Variants in OR3A2 observed in about 807,000 individuals in gnomAD.
OR3A2 encodes olfactory receptor family 3 subfamily A member 2.
For synonymous variants in OR3A2, 126 were observed against 159.3 expected, an observed-to-expected ratio of 0.79 and a Z score of 1.57; for missense variants, 318 against 392.8, an observed-to-expected ratio of 0.81 and a Z score of 1.61.
chr17:3,356,760 T>C (rs532017347), intron 2 of OR3A2, among the ~76,000 whole-genome samples: 17 of 151,746 alleles, frequency 1.1e-4, no homozygotes, highest in Admixed American at 8.5e-4. Context: ...GACTCTATGA[T>C]GACAAGATGC....
intron 2 of OR3A2, among the ~76,000 whole-genome samples, chr17:3,352,014 C>A (rs1039135223): frequency 9.9e-5 from 15 of 152,134 alleles, no homozygotes; most frequent in African/African-American, 3.4e-4. Flanking sequence ...CTTCCTTACA[C>A]CTTATACAAA....
intron 3 of OR3A2, among the ~76,000 whole-genome samples, chr17:3,328,621 T>A (rs1430882556): frequency 2.7e-5 from 4 of 148,566 alleles, no homozygotes; most frequent in African/African-American, 1.0e-4. Flanking sequence ...AGAGAGGGCA[T>A]CCCTGCCTTG....
At position 3,304,373 on chromosome 17, in the gene OR3A2, G is replaced by C. The variant is rs186534902; in HGVS notation, c.-84-25220C>G. 1.7e-3 allele frequency among the ~76,000 whole-genome samples: 262 copies of C among 152,286 alleles called. 1 individual carries two copies. Among genetic ancestry groups the C allele is most frequent in the African/African-American group, 5.7e-3 (238 of 41,544 alleles). ...TCACCAATTCGTGCTGCCACAGCCAGCCTGAACTCTGTCTCCTCAATTCAG... is the reference window on the plus strand; with the variant it reads ...TCACCAATTCGTGCTGCCACAGCCACCCTGAACTCTGTCTCCTCAATTCAG... On this transcript the variant is annotated intron_variant, in intron 3 of 4. Coordinates refer to the OR3A2 transcript ENST00000573491.
intron 2 of OR3A2, among the ~76,000 whole-genome samples, chr17:3,350,215 A>C (rs545612558): frequency 6.6e-6 from 1 of 152,200 alleles, no homozygotes; most frequent in African/African-American, 2.4e-5. Context: ...AGACACAAAA[A>C]ACCCTTCAAA....
intron 2 of OR3A2, among the ~76,000 whole-genome samples, chr17:3,346,615 C>A (rs2049365540): frequency 6.6e-6 from 1 of 151,968 alleles, no homozygotes; most frequent in Non-Finnish European, 1.5e-5. Context: ...GCTGTGCTAT[C>A]AAATACTAGT....
chr17:3,367,601 G>GTGTGTATATATA (rs1555530074), intron 2 of OR3A2, among the ~76,000 whole-genome samples: 3 of 122,522 alleles, frequency 2.4e-5, no homozygotes, highest in African/African-American at 7.1e-5. Flanking sequence ...GTGTGTGTGT[G>GTGTGTATATATA]TATATATATA....
At chr17:3,343,003 C>A (rs1017730234) in intron 2 of OR3A2, among the ~76,000 whole-genome samples, 2 of 152,180 alleles carry the variant, frequency 1.3e-5, no homozygotes, top group Non-Finnish European at 2.9e-5. Context: ...CCTTGCAGTT[C>A]GATCTTGGAC....
chr17:3,308,235 G>A (rs1160608933), intron 3 of OR3A2, among the ~76,000 whole-genome samples: 3 of 152,138 alleles, frequency 2.0e-5, no homozygotes, highest in African/African-American at 7.2e-5. Flanking sequence ...GGCCTCCAGG[G>A]GAACAATGAG....
chr17:3,362,463 T>G (rs1467792892), intron 2 of OR3A2, among the ~76,000 whole-genome samples: 1 of 151,770 alleles, frequency 6.6e-6, no homozygotes, highest in Non-Finnish European at 1.5e-5. Context: ...CTGCTAGCTT[T>G]TGAATGTGTT....
At chr17:3,364,737 C>A (rs2049548614) in intron 2 of OR3A2, among the ~76,000 whole-genome samples, 2 of 152,154 alleles carry the variant, frequency 1.3e-5, no homozygotes, top group Non-Finnish European at 2.9e-5. Context: ...AATCTCACTC[C>A]TGGGTATATA....
intron 3 of OR3A2, chr17:3,291,845 G>A: frequency 6.2e-7 from 1 of 1,614,060 alleles, no homozygotes; most frequent in Non-Finnish European, 8.5e-7. Context: ...CAGTGAGGTG[G>A]GAGCCACATG....
At chr17:3,303,385 C>T (rs1450571630) in intron 3 of OR3A2, among the ~76,000 whole-genome samples, 1 of 152,034 alleles carries the variant, frequency 6.6e-6, no homozygotes, top group African/African-American at 2.4e-5. Flanking sequence ...AGTGAAAAGG[C>T]AAGCTACAAA....
At chr17:3,298,991 A>G (rs1361235114) in intron 3 of OR3A2, among the ~76,000 whole-genome samples, 2 of 152,172 alleles carry the variant, frequency 1.3e-5, no homozygotes, top group African/African-American at 4.8e-5. Flanking sequence ...ATGCCTTATG[A>G]CTTTGTGATG....
At position 3,315,140 on chromosome 17, in the gene OR3A2, G is replaced by A. The variant is rs370817208; in HGVS notation, c.-85+20893C>T. Among the ~76,000 whole-genome samples the A allele has an allele frequency of 2.0e-5, 3 of 152,258 alleles. No individual in the cohort carries two copies. In the South Asian group the frequency reaches 6.2e-4, roughly 32 times the overall value. Reference sequence around the variant, plus strand: ...CTTTGCTATTGTGAATAGCTCAGTAGTAAACATATAAGTGCGTGTGTCTTT... The same window carrying A: ...CTTTGCTATTGTGAATAGCTCAGTAATAAACATATAAGTGCGTGTGTCTTT... On this transcript the variant is annotated intron_variant, in intron 3 of 4. Transcript: ENST00000573491.
chr17:3,342,917 T>C (rs923583769), intron 2 of OR3A2, among the ~76,000 whole-genome samples: 1 of 152,082 alleles, frequency 6.6e-6, no homozygotes, highest in Non-Finnish European at 1.5e-5. Flanking sequence ...GCGGGCCTCG[T>C]TGGCTTCCTG....
chr17:3,355,764 C>A (rs780613303), intron 2 of OR3A2, among the ~76,000 whole-genome samples: 17 of 151,332 alleles, frequency 1.1e-4, no homozygotes, highest in Admixed American at 2.0e-4. Flanking sequence ...TGTATTCATC[C>A]ACTCAGCCAC....
chr17:3,333,066 C>T (rs933250451), intron 3 of OR3A2, among the ~76,000 whole-genome samples: 5 of 152,100 alleles, frequency 3.3e-5, no homozygotes, highest in Non-Finnish European at 7.4e-5. Context: ...TATAAATGGA[C>T]GTGCAAGTAG....
chr17:3,324,120 A>G (rs186321737), intron 3 of OR3A2, among the ~76,000 whole-genome samples: 1 of 151,722 alleles, frequency 6.6e-6, no homozygotes, highest in African/African-American at 2.4e-5. Context: ...ATCTTCCATC[A>G]CTGATACCCT....
chr17:3,363,681 T>C (rs1364239175), intron 2 of OR3A2, among the ~76,000 whole-genome samples: 1 of 152,118 alleles, frequency 6.6e-6, no homozygotes, highest in African/African-American at 2.4e-5. Context: ...TGGTACCAAT[T>C]TTCTCTATTA....
Sources: allele counts gnomAD v4.1 joint callset (sites outside exome capture counted in the v4.1 genomes callset), GRCh38; gene constraint gnomAD v4.1.1; transcripts MANE v1.5; gene names NCBI Gene and HGNC (gene_info 2026-07-23, HGNC 2026-07-21).